The following METTL24 variants were observed in gnomAD, a reference collection of about 807,000 sequenced individuals.
METTL24 encodes probable methyltransferase-like protein 24.
METTL24 carries 29 observed loss-of-function variants against 32.7 expected under a neutral mutation model. The observed-to-expected ratio is 0.89, with a 90% CI of 0.66 to 1.21. METTL24 has a LOEUF of 1.21. Ranked by LOEUF, METTL24 falls within the 50% of genes most tolerant of loss-of-function variation. The pLI, the probability that METTL24 is intolerant of heterozygous loss-of-function variation, is 0.00. For missense variants in METTL24, 439 were observed against 468.1 expected (o/e 0.94, Z 0.57); for synonymous variants, 163 against 179.5 (o/e 0.91, Z 0.73).
chr6:110,337,951 C>A (rs1162128079), intron 1 of METTL24, among the ~76,000 whole-genome samples: 1 of 152,198 alleles, frequency 6.6e-6, no homozygotes, highest in East Asian at 1.9e-4. Context: ...TCTAACCAGA[C>A]TACAAGCTCT....
chr6:110,314,153 A>G (rs1771773819), intron 3 of METTL24, among the ~76,000 whole-genome samples: 1 of 151,878 alleles, frequency 6.6e-6, no homozygotes, highest in South Asian at 2.1e-4. Flanking sequence ...CTGAATGTAG[A>G]CTCTAGAGGT....
At chr6:110,254,084 C>A in intron 4 of METTL24, 1 of 618,994 alleles carries the variant, frequency 1.6e-6, no homozygotes, top group Non-Finnish European at 2.4e-6. Flanking sequence ...AAGCCTCTAT[C>A]AATAATTTAT....
intron 3 of METTL24, among the ~76,000 whole-genome samples, chr6:110,305,137 CT>C (rs757859667): frequency 6.6e-6 from 1 of 152,114 alleles, no homozygotes; most frequent in Non-Finnish European, 1.5e-5. Flanking sequence ...CAGGCCTGCC[CT>C]ACAAGAGCTC....
intron 3 of METTL24, among the ~76,000 whole-genome samples, chr6:110,302,555 G>GTA (rs1343375011): frequency 2.0e-5 from 2 of 101,510 alleles, no homozygotes; most frequent in African/African-American, 1.1e-4. Flanking sequence ...ACACATATGT[G>GTA]TATATATACA....
chr6:110,327,930 C>T (rs1425757341), intron 1 of METTL24, among the ~76,000 whole-genome samples: 1 of 152,234 alleles, frequency 6.6e-6, no homozygotes, highest in Admixed American at 6.5e-5. Flanking sequence ...CCCTATTGCT[C>T]CCAGGAGGTG....
chr6:110,320,474 T>C (rs543001855), intron 2 of METTL24, among the ~76,000 whole-genome samples: 1 of 152,202 alleles, frequency 6.6e-6, no homozygotes, highest in African/African-American at 2.4e-5. Flanking sequence ...GACTCCCATC[T>C]GCTGGCCTTC....
chr6:110,346,905 T>C (rs2114776620), intron 1 of METTL24, among the ~76,000 whole-genome samples: 1 of 152,332 alleles, frequency 6.6e-6, no homozygotes, highest in South Asian at 2.1e-4. Context: ...TTATTAATCA[T>C]CGTTATATGT....
chr6:110,333,416 T>A (rs1007831307), intron 1 of METTL24, among the ~76,000 whole-genome samples: 3 of 152,170 alleles, frequency 2.0e-5, no homozygotes, highest in African/African-American at 4.8e-5. Flanking sequence ...GAGATTTGTA[T>A]TTTATTGGCA....
intron 1 of METTL24, among the ~76,000 whole-genome samples, chr6:110,347,088 T>C (rs1428664573): frequency 2.6e-5 from 4 of 152,258 alleles, no homozygotes; most frequent in Non-Finnish European, 5.9e-5. Context: ...AGACTATGAC[T>C]TGTCTTTTAA....
intron 4 of METTL24, among the ~76,000 whole-genome samples, chr6:110,259,084 G>A (rs559196862): frequency 1.2e-4 from 18 of 152,204 alleles, no homozygotes; most frequent in Non-Finnish European, 1.9e-4. Flanking sequence ...CTGAGCTACC[G>A]GGTTCATCTC....
chr6:110,297,764 A>G (rs1196930676), intron 4 of METTL24, among the ~76,000 whole-genome samples: 2 of 152,206 alleles, frequency 1.3e-5, no homozygotes, highest in Non-Finnish European at 2.9e-5. Flanking sequence ...TTTACCCAAA[A>G]ATCCTATATG....
chr6:110,267,049 A>T (rs928775831), intron 4 of METTL24, among the ~76,000 whole-genome samples: 5 of 151,748 alleles, frequency 3.3e-5, no homozygotes, highest in East Asian at 1.9e-4. Context: ...TTTTTTTTTA[A>T]AAAAAAATAC....
chr6:110,313,806 T>G (rs1002639486), intron 3 of METTL24, among the ~76,000 whole-genome samples: 7 of 152,314 alleles, frequency 4.6e-5, no homozygotes, highest in Middle Eastern at 3.4e-3. Flanking sequence ...CTCCACACTT[T>G]CATCACAGCA....
intron 1 of METTL24, among the ~76,000 whole-genome samples, chr6:110,352,486 T>C (rs925724439): frequency 6.6e-6 from 1 of 152,196 alleles, no homozygotes; most frequent in Non-Finnish European, 1.5e-5. Flanking sequence ...CACCTTGCTA[T>C]TGGTTTATAT....
At chr6:110,311,171 A>C (rs1384108635) in intron 3 of METTL24, among the ~76,000 whole-genome samples, 1 of 151,926 alleles carries the variant, frequency 6.6e-6, no homozygotes, top group Non-Finnish European at 1.5e-5. Flanking sequence ...TTCCCTCACT[A>C]TCAGTTGAGG....
rs752780853 is a variant in METTL24, at chr6:110,322,678, A to C, written c.417+96T>G. On this transcript the variant is annotated intron_variant, in intron 2 of 4. Coordinates refer to ENST00000338882, the MANE Select transcript of METTL24 (RefSeq NM_001123364.3). ...CACACTTCCCCATCAAGTCCTCATC[A>C]GGAGTCGCTGAGAACCTCCCCCACC... 294 of 939,148 alleles carry C rather than the reference A, an allele frequency of 3.1e-4. 1 individual carries two copies. Among genetic ancestry groups the C allele is most frequent in the Middle Eastern group, 2.3e-3 (9 of 3,866 alleles). 58.2% of individuals were successfully genotyped at this position (939,148 alleles called of 1,614,324 possible).
chr6:110,305,300 C>T (rs6914385), intron 3 of METTL24, among the ~76,000 whole-genome samples: 43,866 of 151,702 alleles, frequency 0.29, 10,985 homozygotes, highest in African/African-American at 0.68. Flanking sequence ...CCAAAAGCAA[C>T]GGCAACAAAA....
At chr6:110,288,784 C>T (rs1771269379) in intron 4 of METTL24, among the ~76,000 whole-genome samples, 1 of 152,120 alleles carries the variant, frequency 6.6e-6, no homozygotes, top group Admixed American at 6.6e-5. Flanking sequence ...AAGTAGGTGG[C>T]AGTGGTGCTG....
chr6:110,347,819 T>G (rs889056459), intron 1 of METTL24, among the ~76,000 whole-genome samples: 2 of 152,210 alleles, frequency 1.3e-5, no homozygotes, highest in African/African-American at 4.8e-5. Flanking sequence ...CAAACTAATG[T>G]GAACAATAAG....
Sources: allele counts gnomAD v4.1 joint callset (sites outside exome capture counted in the v4.1 genomes callset), GRCh38; gene constraint gnomAD v4.1.1; transcripts MANE v1.5; gene names NCBI Gene and HGNC (gene_info 2026-07-23, HGNC 2026-07-21).